Variants in MLLT3 observed in about 807,000 individuals in gnomAD.
MLLT3 encodes MLLT3 super elongation complex subunit, also known as protein AF-9.
MLLT3 carries 4 observed loss-of-function variants against 53.2 expected under a neutral mutation model. The observed-to-expected ratio is 0.08, with a 90% CI of 0.04 to 0.17. The LOEUF (loss-of-function observed/expected upper bound fraction) is 0.17. MLLT3 is among the 10% of genes least tolerant of loss of function. The pLI, the probability that MLLT3 is intolerant of heterozygous loss-of-function variation, is 1.00. For synonymous variants in MLLT3, 283 were observed against 230.6 expected, an observed-to-expected ratio of 1.23 and a Z score of -2.06; for missense variants, 569 against 684.0, an observed-to-expected ratio of 0.83 and a Z score of 1.87.
intron 2 of MLLT3, among the ~76,000 whole-genome samples, chr9:20,532,306 A>C (rs879655748): frequency 2.2e-5 from 3 of 137,646 alleles, no homozygotes; most frequent in Admixed American, 1.5e-4. Context: ...ATGTAAAAAA[A>C]TAGGAAAAAA....
intron 5 of MLLT3, among the ~76,000 whole-genome samples, chr9:20,397,060 T>C (rs1463591795): frequency 6.6e-6 from 1 of 152,180 alleles, no homozygotes; most frequent in Non-Finnish European, 1.5e-5. Flanking sequence ...GAAAAATCTT[T>C]CTTAGATAAA....
At chr9:20,608,879 G>A (rs1036764908) in intron 2 of MLLT3, among the ~76,000 whole-genome samples, 2 of 151,948 alleles carry the variant, frequency 1.3e-5, no homozygotes, top group Non-Finnish European at 2.9e-5. Context: ...CCACGTCCCA[G>A]AGATCACTTA....
At chr9:20,453,840 C>T (rs1050713995) in intron 3 of MLLT3, among the ~76,000 whole-genome samples, 2 of 152,058 alleles carry the variant, frequency 1.3e-5, no homozygotes, top group Admixed American at 1.3e-4. Flanking sequence ...TACATAATTA[C>T]CATTTATTAA....
chr9:20,572,250 A>G (rs1819548835), intron 2 of MLLT3, among the ~76,000 whole-genome samples: 1 of 152,132 alleles, frequency 6.6e-6, no homozygotes. Flanking sequence ...AAAGGGCACA[A>G]AGCTGCAGTT....
intron 2 of MLLT3, among the ~76,000 whole-genome samples, chr9:20,580,843 T>A (rs1190021165): frequency 6.6e-6 from 1 of 152,218 alleles, no homozygotes; most frequent in Non-Finnish European, 1.5e-5. Context: ...TCCCTCCAGT[T>A]CAGAGGAACT....
intron 7 of MLLT3, 60 bp downstream of exon 7, chr9:20,363,416 A>T: frequency 6.3e-7 from 1 of 1,597,552 alleles, no homozygotes; most frequent in Admixed American, 1.7e-5. Flanking sequence ...TTATCCCAGC[A>T]GGGCTTGTGA....
intron 2 of MLLT3, among the ~76,000 whole-genome samples, chr9:20,536,218 G>T (rs1277960814): frequency 6.7e-6 from 1 of 149,818 alleles, no homozygotes; most frequent in Non-Finnish European, 1.5e-5. Flanking sequence ...AAACTGGACA[G>T]CAGGGAATAA....
At position 20,346,395 on chromosome 9, in the gene MLLT3, C is replaced by CAAAA. The variant is rs375169457; in HGVS notation, c.*44_*47dup. 1.4e-5 allele frequency: 14 copies of CAAAA among 1,002,452 alleles called. No individual in the cohort carries two copies. The highest frequency in any genetic ancestry group is 3.7e-5 in the East Asian group (1 of 27,248). 62.1% of individuals were successfully genotyped at this position (1,002,452 alleles called of 1,614,324 possible). On this transcript the variant is annotated 3_prime_UTR_variant, in exon 11 of 11. Coordinates refer to ENST00000380338, the MANE Select transcript of MLLT3 (RefSeq NM_004529.4). ...AATCACAACCAAAAAAAAAAAAAACCAAAAAAAAAAAACACAATAGTTCTT... is the reference window on the plus strand; with the variant it reads ...AATCACAACCAAAAAAAAAAAAAACCAAAAAAAAAAAAAAAACACAATAGTTCTT...
In MLLT3 at chr9:20,621,812, C is replaced by G. The variant is rs1036097981; in HGVS notation, c.12+433G>C. On this transcript the variant is annotated intron_variant, in intron 1 of 10. Coordinates refer to ENST00000380338, the MANE Select transcript of MLLT3 (RefSeq NM_004529.4). This position sits in a 1 kb window ranked among gnomAD's most constrained non-coding sequence, Gnocchi z 7.0. ...CGGCGCTTTGCGGAGGTGCGGCCGC[C>G]GAGGCTGCTCGCCGCGTCCCCGGAC... The G allele has an allele frequency of 6.3e-6, 9 of 1,433,400 alleles. No homozygotes were observed. The Admixed American group carries it at 1.5e-4, about 25-fold the overall frequency. 88.8% of individuals were successfully genotyped at this position (1,433,400 alleles called of 1,614,324 possible).
intron 2 of MLLT3, among the ~76,000 whole-genome samples, chr9:20,458,312 C>T (rs964097443): frequency 5.3e-5 from 8 of 152,160 alleles, no homozygotes; most frequent in African/African-American, 1.7e-4. Flanking sequence ...AGCACATTCA[C>T]CTCAAGAAGA....
chr9:20,507,939 G>T (rs1186041317), intron 2 of MLLT3, among the ~76,000 whole-genome samples: 1 of 151,876 alleles, frequency 6.6e-6, no homozygotes, highest in Non-Finnish European at 1.5e-5. Context: ...TTTAAAAAAA[G>T]AATAAAAGCA....
intron 2 of MLLT3, among the ~76,000 whole-genome samples, chr9:20,586,397 G>GAA (rs370657101): frequency 1.9e-4 from 25 of 134,912 alleles, no homozygotes; most frequent in East Asian, 1.7e-3. Context: ...TCTGTGACTG[G>GAA]AAAGAAAAAA....
intron 2 of MLLT3, among the ~76,000 whole-genome samples, chr9:20,533,803 A>AAC (rs1161827428): frequency 6.6e-6 from 1 of 152,242 alleles, no homozygotes; most frequent in African/African-American, 2.4e-5. Context: ...TAGACACAGA[A>AAC]ACACAAACAC....
intron 5 of MLLT3, among the ~76,000 whole-genome samples, chr9:20,372,134 G>T (rs1821621357): frequency 1.3e-5 from 2 of 152,184 alleles, no homozygotes; most frequent in African/African-American, 4.8e-5. Context: ...GAATGGATGA[G>T]GAGTTGCTGC....
intron 2 of MLLT3, among the ~76,000 whole-genome samples, chr9:20,458,697 A>C (rs1228171190): frequency 1.3e-5 from 2 of 152,058 alleles, no homozygotes; most frequent in African/African-American, 2.4e-5. Flanking sequence ...CCATGCTGGC[A>C]CTCTGATCTG....
At position 20,522,772 on chromosome 9, in the gene MLLT3, A is replaced by G. The variant is rs190955533; in HGVS notation, c.194-65986T>C. On this transcript the variant is annotated intron_variant, in intron 2 of 10. Coordinates refer to ENST00000380338, the MANE Select transcript of MLLT3 (RefSeq NM_004529.4). ...AAATGACATATTTGATAAAGGATAT[A>G]CAATATACAAAGGGCCCAGTGCAGT... 1.3e-3 allele frequency among the ~76,000 whole-genome samples: 205 copies of G among 152,314 alleles called. 4 individuals are homozygous for G. In the South Asian group the frequency reaches 0.019, roughly 14 times the overall value.
At chr9:20,443,945 C>G (rs1199092744) in intron 4 of MLLT3, among the ~76,000 whole-genome samples, 1 of 152,118 alleles carries the variant, frequency 6.6e-6, no homozygotes, top group Non-Finnish European at 1.5e-5. Flanking sequence ...TAAAACTTTT[C>G]CAATTGTATC....
At chr9:20,519,991 T>C (rs1818018891) in intron 2 of MLLT3, among the ~76,000 whole-genome samples, 1 of 152,182 alleles carries the variant, frequency 6.6e-6, no homozygotes, top group Non-Finnish European at 1.5e-5. Context: ...ATATGGTACA[T>C]ATATGCCATG....
chr9:20,493,772 A>T (rs919153519), intron 2 of MLLT3, among the ~76,000 whole-genome samples: 1 of 152,118 alleles, frequency 6.6e-6, no homozygotes, highest in Non-Finnish European at 1.5e-5. Context: ...TAAAAAACTG[A>T]AAAATACTAT....
Sources: gnomAD v4.1 joint callset for allele counts (sites outside exome capture counted in the v4.1 genomes callset) on GRCh38, gnomAD v4.1.1 for gene constraint, Gnocchi (gnomAD v3.1) non-coding constraint, MANE v1.5 for transcripts, NCBI Gene and HGNC (gene_info 2026-07-23, HGNC 2026-07-21) for gene names.